Variants in MYO1B observed in about 807,000 individuals in gnomAD.
MYO1B encodes myosin IB.
A neutral mutation model predicts 159.7 loss-of-function variants in MYO1B; 72 were observed. The observed-to-expected ratio is 0.45, with a 90% CI of 0.37 to 0.55. MYO1B has a LOEUF of 0.55. Among genes scored for constraint, MYO1B ranks in the 20% least tolerant of loss-of-function variants. The pLI is 0.00. For missense variants in MYO1B, 1,062 were observed against 1,364.8 expected (o/e 0.78, Z 3.50); for synonymous variants, 468 against 473.8 (o/e 0.99, Z 0.16).
chr2:191,383,112 T>C (rs1007464507), intron 14 of MYO1B, among the ~76,000 whole-genome samples, 168 bp from the exon 15 acceptor site: 3 of 152,054 alleles, frequency 2.0e-5, no homozygotes, highest in Admixed American at 6.6e-5. Context: ...GGCAGCTGCA[T>C]TGAGAAAGTT....
intron 30 of MYO1B, among the ~76,000 whole-genome samples, chr2:191,419,546 C>T (rs771967085): frequency 5.8e-4 from 88 of 152,210 alleles, no homozygotes; most frequent in Non-Finnish European, 5.3e-4. Context: ...TTTATTTTAG[C>T]GTGTATGCCT....
intron 7 of MYO1B, 102 bp downstream of exon 7, chr2:191,350,327 T>G: frequency 1.3e-6 from 1 of 765,256 alleles, no homozygotes. Context: ...CATAAGAATA[T>G]GTTTCCTTGC....
chr2:191,412,992 A>G (rs1272688662), intron 27 of MYO1B, among the ~76,000 whole-genome samples: 1 of 152,214 alleles, frequency 6.6e-6, no homozygotes, highest in East Asian at 1.9e-4. Flanking sequence ...AATCCATCAT[A>G]TGGGTTATGA....
Position 191,341,534 on chromosome 2 carries a change from A to G in MYO1B, c.420A>G (p.Glu140=), listed in dbSNP as rs1164900613. 12 of 1,614,046 alleles carry G rather than the reference A, an allele frequency of 7.4e-6. No individual in the cohort carries two copies. The highest frequency in any genetic ancestry group is 1.0e-5 in the Non-Finnish European group (12 of 1,179,952). Residue 140 remains glutamate, a synonymous_variant, in exon 5 of 31, where the codon GAA becomes GAG. Transcript: ENST00000392318. ...GAGCAGAAGTTAATCAAGTTAAAGA[A>G]CAGCTTTTACAGTCCAACCCGGTCC... ...GKGAEVNQVK[E]QLLQSNPVLE...
At chr2:191,253,095 C>G (rs1189365134) in intron 1 of MYO1B, among the ~76,000 whole-genome samples, 1 of 152,120 alleles carries the variant, frequency 6.6e-6, no homozygotes, top group East Asian at 1.9e-4. Flanking sequence ...ATACCCTACC[C>G]ATAAAGTTGG....
At chr2:191,350,110 G>A (rs1692816454) in intron 6 of MYO1B, 52 bp from the exon 7 acceptor site, 2 of 1,445,536 alleles carry the variant, frequency 1.4e-6, no homozygotes, top group Admixed American at 3.4e-5. Flanking sequence ...GAAGTACACT[G>A]AGTTAACATT....
chr2:191,296,027 G>A, intron 2 of MYO1B, 84 bp from the exon 3 acceptor site: 1 of 660,610 alleles, frequency 1.5e-6, no homozygotes, highest in East Asian at 3.3e-5. Context: ...TTAAAAGGTT[G>A]AAACCATACA....
chr2:191,332,990 C>T (rs1249634341), intron 4 of MYO1B, among the ~76,000 whole-genome samples: 1 of 152,138 alleles, frequency 6.6e-6, no homozygotes, highest in African/African-American at 2.4e-5. Context: ...ATTGAATGAA[C>T]ATCATGTACT....
At chr2:191,341,356 C>T (rs1692209875) in intron 4 of MYO1B, 105 bp from the exon 5 acceptor site, 7 of 797,944 alleles carry the variant, frequency 8.8e-6, no homozygotes, top group Non-Finnish European at 2.1e-6. Flanking sequence ...GGAATAAAGA[C>T]ATTTGAAAAT....
intron 3 of MYO1B, among the ~76,000 whole-genome samples, chr2:191,322,205 C>T (rs1173471706): frequency 1.3e-5 from 2 of 152,110 alleles, no homozygotes; most frequent in African/African-American, 4.8e-5. Context: ...GTACTGTTTT[C>T]TTTGAAGCAA....
Position 191,390,326 on chromosome 2 carries a change from A to C in MYO1B, c.1816A>C (p.Ile606Leu), listed in dbSNP as rs766931400. 2.1e-5 allele frequency: 34 copies of C among 1,613,984 alleles called. No homozygotes were observed. The highest frequency in any genetic ancestry group is 2.9e-5 in the Non-Finnish European group (34 of 1,179,918). The part of the protein sequence containing the change: ...IKPNDKKAAH[I>L]FNEALVCHQI... ...ACCGAATGATAAAAAAGCAGCACAC[A>C]TCTTCAACGAGGCTCTAGTGTGTCA... Residue 606 changes from isoleucine to leucine, a missense_variant, in exon 18 of 31, where the codon ATC becomes CTC. Ile to Leu is a conservative substitution (Grantham distance 5, BLOSUM62 2). Transcript: ENST00000392318.
chr2:191,332,079 C>T (rs1450130029), intron 4 of MYO1B, among the ~76,000 whole-genome samples: 4 of 152,198 alleles, frequency 2.6e-5, no homozygotes. Flanking sequence ...TCTCCTGGCT[C>T]AGCCTCCCAA....
At chr2:191,253,071 C>A (rs201550607) in intron 1 of MYO1B, among the ~76,000 whole-genome samples, 1 of 148,608 alleles carries the variant, frequency 6.7e-6, no homozygotes, top group Admixed American at 6.7e-5. Flanking sequence ...GAAAAAAAAA[C>A]AAAAAACAAA....
At chr2:191,299,616 A>G (rs368623753) in intron 3 of MYO1B, among the ~76,000 whole-genome samples, 28 of 152,190 alleles carry the variant, frequency 1.8e-4, no homozygotes, top group African/African-American at 6.8e-4. Flanking sequence ...TGCCACATTT[A>G]CTATTTAATG....
chr2:191,414,496 C>T, intron 28 of MYO1B, 21 bp from the exon 29 acceptor site: 1 of 1,585,202 alleles, frequency 6.3e-7, no homozygotes, highest in Non-Finnish European at 8.6e-7. Flanking sequence ...TGGTTTTATA[C>T]TATTTTTTAT....
At chr2:191,417,966 C>A (rs945816130) in intron 30 of MYO1B, among the ~76,000 whole-genome samples, 2 of 152,098 alleles carry the variant, frequency 1.3e-5, no homozygotes, top group African/African-American at 4.8e-5. Context: ...TCACAGAGGG[C>A]GTGTGATGTT....
chr2:191,355,369 C>T (rs938593000), intron 7 of MYO1B, among the ~76,000 whole-genome samples: 1 of 152,184 alleles, frequency 6.6e-6, no homozygotes, highest in Non-Finnish European at 1.5e-5. Flanking sequence ...ATTTGTTATG[C>T]AGCAAAAACT....
chr2:191,401,683 GAA>G (rs1696626414), intron 23 of MYO1B: 1 of 152,188 alleles, frequency 6.6e-6, no homozygotes, highest in Non-Finnish European at 1.5e-5. Context: ...GAGAAAATGA[GAA>G]AAGTCAACAT....
chr2:191,411,191 A>T lies in MYO1B; in HGVS notation c.2873+19A>T. On this transcript the variant is annotated intron_variant, in intron 27 of 30. Transcript: ENST00000392318. ...CATCTAGGTATTATGGCTTTGCTTT[A>T]CCCATAAAATTCAGGATTATAAAAG... The T allele has an allele frequency of 6.8e-7, 1 of 1,473,710 alleles. No individual in the cohort carries two copies. Among genetic ancestry groups the T allele is most frequent in the Non-Finnish European group, 9.3e-7 (1 of 1,081,064 alleles). The allele number at this position is 1,473,710 out of a possible 1,614,324, so 91.3% of individuals were successfully genotyped here. A position where few individuals can be genotyped will look rare whatever the true frequency, so the allele number is the denominator to read the frequency against.
Sources: allele counts gnomAD v4.1 joint callset (sites outside exome capture counted in the v4.1 genomes callset), GRCh38; gene constraint gnomAD v4.1.1; transcripts MANE v1.5; gene names NCBI Gene and HGNC (gene_info 2026-07-23, HGNC 2026-07-21).